GNL2: variants seen among roughly 807,000 people sequenced by gnomAD.
The protein encoded by GNL2 is G protein nucleolar 2.
In GNL2, 51 loss-of-function variants were observed where a neutral mutation model predicts 92.3. The ratio of observed to expected loss-of-function variants is 0.55; its 90% confidence interval spans 0.44 to 0.70. The LOEUF is 0.70. Ranked by LOEUF, GNL2 falls within the 30% of genes least tolerant of loss-of-function variation. GNL2 has a pLI of 0.00. For synonymous variants in GNL2, 283 were observed against 300.6 expected (o/e 0.94, Z 0.61); for missense variants, 844 against 895.6 (o/e 0.94, Z 0.74).
At chr1:37,568,099 T>C (rs1643535820) in intron 14 of GNL2, 176 bp downstream of exon 14, 2 of 600,766 alleles carry the variant, frequency 3.3e-6, no homozygotes, top group East Asian at 5.6e-5. Context: ...CTAAAAAATG[T>C]GCAGAATGAA....
chr1:37,574,971 A>G, intron 10 of GNL2, 148 bp from the exon 11 acceptor site: 1 of 632,752 alleles, frequency 1.6e-6, no homozygotes, highest in East Asian at 2.7e-5. Flanking sequence ...ACGGGGCTAG[A>G]CATGGTCAGC....
At chr1:37,576,629 T>G (rs1643683306) in intron 8 of GNL2, 73 bp from the exon 9 acceptor site, 1 of 1,455,488 alleles carries the variant, frequency 6.9e-7, no homozygotes, top group Non-Finnish European at 9.4e-7. Context: ...GTTGTATTAC[T>G]TTGTTAATAT....
rs929310910 is a variant in GNL2, at chr1:37,575,223, T to C, written c.1143+372A>G. Among the ~76,000 whole-genome samples the C allele has an allele frequency of 1.4e-4, 21 of 152,212 alleles. No homozygotes were observed. The highest frequency in any genetic ancestry group is 3.9e-4 in the Admixed American group (6 of 15,276). On this transcript the variant is annotated intron_variant, in intron 10 of 15. Transcript: ENST00000373062. This position sits in a 1 kb window ranked among gnomAD's most constrained non-coding sequence, Gnocchi z 4.1. ...AGCCAGAAGCATGGTCAAGGTTAAG[T>C]GGAACCATTTACAGTTTTTCAGTCG...
At position 37,574,775 on chromosome 1, in the gene GNL2, G is replaced by A. The variant is rs151299135; in HGVS notation, c.1192C>T (p.Leu398Phe). 6 of 1,613,436 alleles carry A rather than the reference G, an allele frequency of 3.7e-6. No homozygotes were observed. The African/African-American group carries it at 4.0e-5, about 11-fold the overall frequency. Residue 398 changes from leucine (L) to phenylalanine (F), a missense_variant, in exon 11 of 16, where the codon CTT (leucine) becomes TTT (phenylalanine). Physicochemically the swap from Leu to Phe is conservative, Grantham distance 22. Transcript: ENST00000373062. ...KSPEDHIGAVLERAKPEYISK... is the reference protein window; with the variant it reads ...KSPEDHIGAVFERAKPEYISK... ...ATATATTCTGGCTTTGCTCGTTCAA[G>A]TACAGCACCAATGTGGTCTTCAGGA...
intron 8 of GNL2, among the ~76,000 whole-genome samples, chr1:37,580,166 C>T (rs1331902333): frequency 6.6e-6 from 1 of 152,146 alleles, no homozygotes; most frequent in African/African-American, 2.4e-5. Context: ...TGGTGGCACA[C>T]ACCTGTAATC....
At chr1:37,583,085 G>A (rs1054727855) in intron 6 of GNL2, 149 bp from the exon 7 acceptor site, 112 of 475,786 alleles carry the variant, frequency 2.4e-4, no homozygotes, top group Non-Finnish European at 5.1e-5. Flanking sequence ...TAATCTCAAG[G>A]CCCAGTGATC....
At chr1:37,590,891 AT>A in intron 3 of GNL2, 46 bp from the exon 4 acceptor site, 2 of 1,487,650 alleles carry the variant, frequency 1.3e-6, no homozygotes, top group African/African-American at 1.4e-5. Flanking sequence ...ATATTTGCGC[AT>A]CCATCTTCCA....
chr1:37,581,577 G>C (rs759586750), intron 8 of GNL2: 1 of 455,190 alleles, frequency 2.2e-6, no homozygotes, highest in Non-Finnish European at 4.4e-6. Context: ...CACTGGTCAC[G>C]GATGGGGGCA....
chr1:37,593,212 A>G (rs1469619715), intron 2 of GNL2, among the ~76,000 whole-genome samples: 2 of 152,232 alleles, frequency 1.3e-5, no homozygotes, highest in Non-Finnish European at 2.9e-5. Context: ...ATGACTACAC[A>G]TATTAAGTTC....
rs548730273 is a variant in GNL2 at position 37,592,799 on chromosome 1, G to A, written c.157C>T (p.Arg53Cys). 30 of 1,587,322 alleles carry A rather than the reference G, an allele frequency of 1.9e-5. No homozygotes were observed. The highest frequency in any genetic ancestry group is 1.9e-4 in the South Asian group (17 of 90,478). Residue 53 changes from arginine (R) to cysteine (C), a missense_variant, in exon 3 of 16, where the codon CGT becomes TGT. By Grantham distance (180) the Arg-to-Cys change is radical. Transcript: ENST00000373062. ...MYRQKERRNS[R>C]GKIIKPLQYQ... Reference sequence around the variant, plus strand: ...TGCAGGGGTTTAATTATTTTACCACGACTGTTCCTAAATTGAGGAAAGAAC... The same window carrying A: ...TGCAGGGGTTTAATTATTTTACCACAACTGTTCCTAAATTGAGGAAAGAAC...
intron 12 of GNL2, among the ~76,000 whole-genome samples, chr1:37,571,101 C>T (rs1643587365): frequency 6.6e-6 from 1 of 152,124 alleles, no homozygotes; most frequent in South Asian, 2.1e-4. Context: ...GGGGTTTCTG[C>T]TCTTAACCAA....
chr1:37,572,809 T>A (rs756619404), intron 12 of GNL2, among the ~76,000 whole-genome samples: 1 of 152,196 alleles, frequency 6.6e-6, no homozygotes, highest in Non-Finnish European at 1.5e-5. Context: ...AGCCTGAAGC[T>A]GCCATCTGAA....
chr1:37,581,059 C>G (rs1292462400), intron 8 of GNL2, among the ~76,000 whole-genome samples: 2 of 152,050 alleles, frequency 1.3e-5, no homozygotes, highest in Non-Finnish European at 2.9e-5. Context: ...TGGCATCTAA[C>G]AATACAGGGG....
At chr1:37,579,549 CAAA>C (rs879543274) in intron 8 of GNL2, among the ~76,000 whole-genome samples, 2 of 117,400 alleles carry the variant, frequency 1.7e-5, no homozygotes, top group African/African-American at 3.3e-5. Flanking sequence ...CTCTGTCTCA[CAAA>C]AAAAAAAAAG....
intron 3 of GNL2, among the ~76,000 whole-genome samples, chr1:37,591,319 A>G (rs1336442722): frequency 2.0e-5 from 3 of 152,168 alleles, no homozygotes; most frequent in Non-Finnish European, 4.4e-5. Context: ...GCAAGGGAAC[A>G]AGATAGAGCC....
intron 11 of GNL2, 37 bp from the exon 12 acceptor site, chr1:37,574,493 A>G (rs1643645570): frequency 2.6e-6 from 4 of 1,564,658 alleles, no homozygotes; most frequent in Non-Finnish European, 3.5e-6. Context: ...TTAAATTCAA[A>G]GGACCAAAAC....
intron 8 of GNL2, among the ~76,000 whole-genome samples, 199 bp from the exon 9 acceptor site, chr1:37,576,755 T>C (rs1643685297): frequency 6.6e-6 from 1 of 152,218 alleles, no homozygotes. Context: ...AGGTGAGTCA[T>C]TTCCTCAGTC....
chr1:37,582,757 T>A (rs767385565), intron 7 of GNL2, 21 bp downstream of exon 7: 1 of 1,591,402 alleles, frequency 6.3e-7, no homozygotes. Context: ...TAGTCTATTC[T>A]GGTTTAGTAG....
At chr1:37,594,430 C>A (rs149421523) in intron 1 of GNL2, among the ~76,000 whole-genome samples, 1,721 of 152,300 alleles carry the variant, frequency 0.011, 37 homozygotes, top group African/African-American at 0.04. Flanking sequence ...ATCAACACAG[C>A]AATTCTTGCC....
Sources: gnomAD v4.1 joint callset for allele counts (sites outside exome capture counted in the v4.1 genomes callset) on GRCh38, gnomAD v4.1.1 for gene constraint, Gnocchi (gnomAD v3.1) non-coding constraint, MANE v1.5 for transcripts, NCBI Gene and HGNC (gene_info 2026-07-23, HGNC 2026-07-21) for gene names.